Variants in RYR1 observed in about 807,000 individuals in gnomAD.
The protein encoded by RYR1 is central core disease of muscle.
In RYR1, 342 loss-of-function variants were observed where a neutral mutation model predicts 583.5. That is an observed-to-expected ratio of 0.59 (90% confidence interval 0.54 to 0.64). RYR1 has a LOEUF of 0.64. Ranked by LOEUF, RYR1 falls within the 30% of genes least tolerant of loss-of-function variation. The pLI, the probability that RYR1 is intolerant of heterozygous loss-of-function variation, is 0.00. For missense variants in RYR1, 6,032 were observed against 6,917.2 expected (o/e 0.87, Z 4.54); for synonymous variants, 2,791 against 2,822.5 (o/e 0.99, Z 0.35).
chr19:38,456,978 A>G (rs575997564), intron 16 of RYR1, among the ~76,000 whole-genome samples: 32 of 130,336 alleles, frequency 2.5e-4, no homozygotes, highest in South Asian at 5.1e-4. Flanking sequence ...CCCGGGAGGC[A>G]GAGCTTGCAG....
rs1416491828 is a variant in RYR1, at chr19:38,463,410, C to T, written c.2578-13C>T. On this transcript the variant is annotated splice_polypyrimidine_tract_variant and intron_variant, in intron 20 of 105. Coordinates refer to ENST00000359596, the MANE Select transcript of RYR1 (RefSeq NM_000540.3). ...GGGACCTTGGGGTCTCAAGAACGTCCCTCTGCCTCTAGATTGTCCTGCCGC... is the reference window on the plus strand; with the variant it reads ...GGGACCTTGGGGTCTCAAGAACGTCTCTCTGCCTCTAGATTGTCCTGCCGC... The T allele has an allele frequency of 6.2e-7, 1 of 1,612,234 alleles. No homozygotes were observed. Among genetic ancestry groups the T allele is most frequent in the Non-Finnish European group, 8.5e-7 (1 of 1,178,806 alleles).
rs1294472898 is a variant in RYR1, at chr19:38,573,419, CA to C, written c.14129+113del. ...GTTTCGGTCCGGGCACGGTGGCTCA[CA>C]CCTGTAATCCCGGCACTTTGGGAGG... On this transcript the variant is annotated intron_variant, in intron 96 of 105. Coordinates refer to ENST00000359596, the MANE Select transcript of RYR1 (RefSeq NM_000540.3). 76 of 1,363,760 alleles carry C rather than the reference CA, an allele frequency of 5.6e-5. No individual in the cohort carries two copies. The Middle Eastern group carries it at 8.0e-4, about 14-fold the overall frequency. The allele number at this position is 1,363,760 out of a possible 1,614,324, so 84.5% of individuals were successfully genotyped here.
At chr19:38,514,968 G>A in intron 63 of RYR1, 58 bp from the exon 64 acceptor site, 1 of 1,171,812 alleles carries the variant, frequency 8.5e-7, no homozygotes, top group East Asian at 2.3e-5. Context: ...AGGGAGGTGG[G>A]GTGGGGAGGG....
At chr19:38,571,108 G>A (rs947417225) in intron 94 of RYR1, among the ~76,000 whole-genome samples, 5 of 152,208 alleles carry the variant, frequency 3.3e-5, no homozygotes, top group African/African-American at 1.2e-4. Flanking sequence ...GAAGGAATGG[G>A]TTAAGAACCA....
intron 1 of RYR1, among the ~76,000 whole-genome samples, chr19:38,439,212 A>G (rs118007563): frequency 0.037 from 5,602 of 150,610 alleles, 149 homozygotes; most frequent in Middle Eastern, 0.061. Context: ...GTTTTTTGAG[A>G]TGGAGTTTTC....
intron 38 of RYR1, 130 bp downstream of exon 38, chr19:38,492,766 G>A: frequency 1.0e-6 from 1 of 986,432 alleles, no homozygotes; most frequent in Non-Finnish European, 1.5e-6. Flanking sequence ...AGTGAGAGGG[G>A]AAGAGTGGCG....
intron 96 of RYR1, among the ~76,000 whole-genome samples, chr19:38,574,646 AAAAC>A (rs1973875339): frequency 1.3e-5 from 2 of 152,120 alleles, no homozygotes; most frequent in Non-Finnish European, 2.9e-5. Context: ...GGCCAAAAAA[AAAAC>A]AAGTAGGAAT....
At position 38,543,654 on chromosome 19, in the gene RYR1, C is replaced by A. The variant is rs1972298659; in HGVS notation, c.11901C>A (p.Tyr3967Ter). 1 of 1,613,810 alleles carries A rather than the reference C, an allele frequency of 6.2e-7. No homozygotes were observed. The highest frequency in any genetic ancestry group is 8.5e-7 in the Non-Finnish European group (1 of 1,180,046). Residue 3967 changes from tyrosine (Y) to a stop codon, truncating the protein, a stop_gained, in exon 86 of 106, where the codon TAC becomes TAA. Coordinates refer to ENST00000359596, the MANE Select transcript of RYR1 (RefSeq NM_000540.3). LOFTEE classifies it high-confidence loss of function. This position sits in a 1 kb window ranked among gnomAD's most constrained non-coding sequence, Gnocchi z 4.4. ...AKQVFNSLTEYIQGPCTGNQQ... is the reference protein window; with the variant it reads ...AKQVFNSLTE ...AGGTGTTCAACAGCCTCACTGAGTA[C>A]ATCCAGGTAGGGCGCTCCCCCTGGG... is the stretch of plus-strand genomic sequence containing the variant.
intron 57 of RYR1, 73 bp downstream of exon 57, chr19:38,507,025 C>T: frequency 6.2e-7 from 1 of 1,606,976 alleles, no homozygotes; most frequent in Non-Finnish European, 8.5e-7. Context: ...GGGGCGGGGC[C>T]AGAGAGGGGT....
At chr19:38,457,244 C>G (rs1183731816) in intron 16 of RYR1, among the ~76,000 whole-genome samples, 1 of 151,936 alleles carries the variant, frequency 6.6e-6, no homozygotes, top group Non-Finnish European at 1.5e-5. Flanking sequence ...TCCAGTATCT[C>G]CTTCCTTACA....
intron 89 of RYR1, among the ~76,000 whole-genome samples, chr19:38,551,605 C>T (rs1035584960): frequency 6.6e-6 from 1 of 152,122 alleles, no homozygotes; most frequent in African/African-American, 2.4e-5. Context: ...TGCCGGCTTC[C>T]GTCCCTGTCA....
chr19:38,501,515 G>A (rs910782885), intron 47 of RYR1, among the ~76,000 whole-genome samples: 5 of 152,146 alleles, frequency 3.3e-5, no homozygotes, highest in African/African-American at 7.2e-5. Context: ...TATTTTGTTC[G>A]CAGTATTGGT....
intron 58 of RYR1, among the ~76,000 whole-genome samples, chr19:38,508,302 T>C (rs2960330): frequency 0.33 from 49,514 of 151,994 alleles, 8,621 homozygotes; most frequent in South Asian, 0.46. Context: ...CTCTGCTTTC[T>C]GGTTTCAAGC....
rs1410558241 is a variant in RYR1 at position 38,467,671 on chromosome 19, T to C, written c.3240T>C (p.Tyr1080=). 1.9e-6 allele frequency: 3 copies of C among 1,614,190 alleles called. No homozygotes were observed. Among genetic ancestry groups the C allele is most frequent in the Admixed American group, 1.7e-5 (1 of 60,026 alleles). The change falls in exon 25 of 106, where the codon TAT becomes TAC. Residue 1080 remains tyrosine, a synonymous_variant. Coordinates refer to ENST00000359596, the MANE Select transcript of RYR1 (RefSeq NM_000540.3). The stretch of plus-strand genomic sequence containing the variant: ...GCATCTTCCGGGCAGAGAAATCCTA[T>C]ACAGTGCAGAGCGGCCGCTGGTACT... The part of the protein sequence containing the change: ...RVRIFRAEKS[Y]TVQSGRWYFE...
At position 38,506,724 on chromosome 19, in the gene RYR1, T is replaced by TTCA. The variant is rs35973146; in HGVS notation, c.8693-103_8693-102insATC. Reference sequence around the variant, plus strand: ...AAGCAATGTTTCCGTTATTCGTATCTTCTTTATCACCATAATTACGCATGC... The same window carrying TTCA: ...AAGCAATGTTTCCGTTATTCGTATCTTCATCTTTATCACCATAATTACGCATGC... On this transcript the variant is annotated intron_variant, in intron 56 of 105. Transcript: ENST00000359596. The TTCA allele has an allele frequency of 0.28, 429,676 of 1,559,224 alleles. 63,353 individuals carry two copies. Among genetic ancestry groups the TTCA allele is most frequent in the South Asian group, 0.44 (38,975 of 87,844 alleles).
At chr19:38,443,500 TGGGGATCTGGAGAGTCC>T in intron 3 of RYR1, 41 bp from the exon 4 acceptor site, 1 of 1,498,708 alleles carries the variant, frequency 6.7e-7, no homozygotes, top group Admixed American at 1.8e-5. Flanking sequence ...CCAGACCTCT[TGGGGATCTGGAGAGTCC>T]GGGGATCTGT....
At position 38,561,055 on chromosome 19, in the gene RYR1, AAAGAG is replaced by A. The variant is rs1364388423; in HGVS notation, c.12283-56_12283-52del. On this transcript the variant is annotated intron_variant, in intron 89 of 105. Coordinates refer to ENST00000359596, the MANE Select transcript of RYR1 (RefSeq NM_000540.3). This position sits in a 1 kb window ranked among gnomAD's most constrained non-coding sequence, Gnocchi z 4.8. The stretch of plus-strand genomic sequence containing the variant: ...GACCTTGTCTTAAAAAAAAAAAAAA[AAAGAG>A]AGAGAATTGAGGCTCTCCAGGTCAC... 2.7e-3 allele frequency: 3,982 copies of A among 1,448,818 alleles called. 5 individuals are homozygous for A. Among genetic ancestry groups the A allele is most frequent in the African/African-American group, 0.017 (1,188 of 68,912 alleles). 89.7% of individuals were successfully genotyped at this position (1,448,818 alleles called of 1,614,324 possible).
chr19:38,580,510 C>G lies in RYR1; in HGVS notation c.14646+6C>G, dbSNP rs1974154840. The G allele has an allele frequency of 6.2e-7, 1 of 1,613,826 alleles. No individual in the cohort carries two copies. Among genetic ancestry groups the G allele is most frequent in the African/African-American group, 1.3e-5 (1 of 74,892 alleles). On this transcript the variant is annotated splice_donor_region_variant and intron_variant, in intron 101 of 105. Transcript: ENST00000359596. ...AGTGTGATGACATGATGACGGTGAG[C>G]CCCTCCCCTAGCACTCTGGGACCCT...
At chr19:38,549,748 C>T (rs970993587) in intron 89 of RYR1, among the ~76,000 whole-genome samples, 3 of 132,660 alleles carry the variant, frequency 2.3e-5, no homozygotes, top group African/African-American at 8.8e-5. Context: ...TCTTGTTGCC[C>T]AGGCTGGAGT....
Sources: allele counts gnomAD v4.1 joint callset (sites outside exome capture counted in the v4.1 genomes callset), GRCh38; gene constraint gnomAD v4.1.1; non-coding constraint Gnocchi (gnomAD v3.1); transcripts MANE v1.5; gene names NCBI Gene and HGNC (gene_info 2026-07-23, HGNC 2026-07-21).